The following HNF4G variants were observed in gnomAD, a reference collection of about 807,000 sequenced individuals.
The protein encoded by HNF4G is hepatocyte nuclear factor 4 gamma, also known as hepatocyte nuclear factor 4-gamma.
HNF4G carries 21 observed loss-of-function variants against 50.9 expected under a neutral mutation model. That is an observed-to-expected ratio of 0.41 (90% confidence interval 0.29 to 0.59). The LOEUF is 0.59. HNF4G is among the 20% of genes least tolerant of loss of function. The pLI, the probability that HNF4G is intolerant of heterozygous loss-of-function variation, is 0.26. For synonymous variants in HNF4G, 198 were observed against 185.6 expected, an observed-to-expected ratio of 1.07 and a Z score of -0.54; for missense variants, 527 against 559.4, an observed-to-expected ratio of 0.94 and a Z score of 0.58.
At chr8:75,448,426 T>TA (rs71567113) in intron 1 of HNF4G, among the ~76,000 whole-genome samples, 54 of 11,732 alleles carry the variant, frequency 4.6e-3, no homozygotes, top group Non-Finnish European at 7.2e-3. Context: ...ACTTAAAGTA[T>TA]AAAAAAAAAA....
chr8:75,558,839 A>G lies in HNF4G; in HGVS notation c.925A>G (p.Met309Val). 6.2e-7 allele frequency: 1 copy of G among 1,614,112 alleles called. No individual in the cohort carries two copies. The highest frequency in any genetic ancestry group is 8.5e-7 in the Non-Finnish European group (1 of 1,179,974). Residue 309 changes from methionine (M) to valine (V), a missense_variant, in exon 8 of 10, where the codon ATG becomes GTG. Transcript: ENST00000396423. ...AAGCGATCCAGTAAAAATTAAGAAC[A>G]TGAGGTTCCAAGTGCAGATCGGTTT... ...GLSDPVKIKN[M>V]RFQVQIGLED...
intron 1 of HNF4G, among the ~76,000 whole-genome samples, chr8:75,422,936 C>A (rs1489704039): frequency 6.6e-6 from 1 of 152,202 alleles, no homozygotes; most frequent in African/African-American, 2.4e-5. Context: ...GTCCTCATAA[C>A]AAGCTGATAA....
At chr8:75,474,830 T>C (rs10107701) in intron 1 of HNF4G, among the ~76,000 whole-genome samples, 29,357 of 151,630 alleles carry the variant, frequency 0.19, 3,233 homozygotes, top group African/African-American at 0.3. Flanking sequence ...CCGGAGTAGC[T>C]GGTATTACAG....
At chr8:75,527,066 G>C (rs2943582) in intron 2 of HNF4G, 22,196 of 152,132 alleles carry the variant, frequency 0.15, 2,519 homozygotes, top group African/African-American at 0.32. Flanking sequence ...ATGAGCCACC[G>C]CACCTGGCCC....
At chr8:75,529,223 G>A (rs945738572) in intron 2 of HNF4G, among the ~76,000 whole-genome samples, 39 of 151,954 alleles carry the variant, frequency 2.6e-4, no homozygotes, top group Admixed American at 1.9e-3. Flanking sequence ...CCCGGCAGGC[G>A]GAGCTTGCAG....
intron 1 of HNF4G, among the ~76,000 whole-genome samples, chr8:75,465,077 G>T (rs960390508): frequency 6.6e-6 from 1 of 152,080 alleles, no homozygotes; most frequent in East Asian, 1.9e-4. Flanking sequence ...ATCCTAACTG[G>T]AACTCTTGTT....
chr8:75,442,740 T>C (rs1811316624), intron 1 of HNF4G, among the ~76,000 whole-genome samples: 1 of 152,130 alleles, frequency 6.6e-6, no homozygotes, highest in African/African-American at 2.4e-5. Context: ...ATGGGGATCA[T>C]TATTTTATAT....
chr8:75,501,801 A>G (rs548411959), intron 2 of HNF4G, among the ~76,000 whole-genome samples: 59 of 152,238 alleles, frequency 3.9e-4, no homozygotes, highest in African/African-American at 1.3e-3. Flanking sequence ...AAGCTAATTA[A>G]CATATGCATT....
intron 2 of HNF4G, 67 bp from the exon 3 acceptor site, chr8:75,547,520 T>G: frequency 1.8e-6 from 2 of 1,100,290 alleles, no homozygotes; most frequent in Non-Finnish European, 2.8e-6. Flanking sequence ...TAAAATCCAT[T>G]TGTCTGTTTA....
intron 1 of HNF4G, among the ~76,000 whole-genome samples, chr8:75,485,552 T>C (rs1812479669): frequency 6.6e-6 from 1 of 152,230 alleles, no homozygotes; most frequent in African/African-American, 2.4e-5. Context: ...TTTCTTTCTA[T>C]GTATAGCTTT....
intron 2 of HNF4G, among the ~76,000 whole-genome samples, chr8:75,500,626 G>C (rs2977957): frequency 0.28 from 42,663 of 151,946 alleles, 7,464 homozygotes; most frequent in African/African-American, 0.5. Context: ...ATTTCCATCA[G>C]CTAACATATG....
chr8:75,519,567 A>T (rs1428090836), intron 2 of HNF4G, among the ~76,000 whole-genome samples: 1 of 152,198 alleles, frequency 6.6e-6, no homozygotes, highest in African/African-American at 2.4e-5. Flanking sequence ...TTCATGGAGA[A>T]TGGCAAATGA....
chr8:75,549,424 A>C (rs1806880539), intron 3 of HNF4G, among the ~76,000 whole-genome samples: 1 of 152,156 alleles, frequency 6.6e-6, no homozygotes, highest in Non-Finnish European at 1.5e-5. Flanking sequence ...TGCATTTCCA[A>C]ATAAGTCAGT....
At chr8:75,430,498 G>A (rs180753478) in intron 1 of HNF4G, among the ~76,000 whole-genome samples, 269 of 145,948 alleles carry the variant, frequency 1.8e-3, no homozygotes, top group African/African-American at 6.7e-3. Context: ...GAGAGAGAGA[G>A]AGAGGGAGAG....
intron 2 of HNF4G, among the ~76,000 whole-genome samples, chr8:75,504,363 C>T (rs1261193300): frequency 1.3e-5 from 2 of 151,958 alleles, no homozygotes; most frequent in African/African-American, 4.8e-5. Context: ...GTGTTTCTCC[C>T]TTTAAAATAT....
At chr8:75,542,922 C>T (rs373812177) in intron 1 of HNF4G, among the ~76,000 whole-genome samples, 148 of 152,308 alleles carry the variant, frequency 9.7e-4, no homozygotes, top group African/African-American at 3.3e-3. Context: ...CGCAGTGGCT[C>T]ACGCCTATAA....
intron 2 of HNF4G, among the ~76,000 whole-genome samples, chr8:75,499,044 AAAAG>A (rs1012259044): frequency 1.1e-4 from 17 of 152,064 alleles, no homozygotes; most frequent in Admixed American, 6.6e-4. Context: ...CTAAGCAAGA[AAAAG>A]AAAGAAAAGG....
chr8:75,485,358 A>G (rs1812475919), intron 1 of HNF4G, among the ~76,000 whole-genome samples: 3 of 152,208 alleles, frequency 2.0e-5, no homozygotes, highest in Admixed American at 6.5e-5. Flanking sequence ...GTTGATCACT[A>G]TCTTGTGAAT....
chr8:75,484,385 G>T (rs1812449625), intron 1 of HNF4G, among the ~76,000 whole-genome samples: 2 of 142,684 alleles, frequency 1.4e-5, no homozygotes, highest in African/African-American at 2.9e-5. Context: ...CCTTCTGATT[G>T]CAATTGTGGA....
Sources: gnomAD v4.1 joint callset for allele counts (sites outside exome capture counted in the v4.1 genomes callset) on GRCh38, gnomAD v4.1.1 for gene constraint, MANE v1.5 for transcripts, NCBI Gene and HGNC (gene_info 2026-07-23, HGNC 2026-07-21) for gene names.